USP48: variants seen among roughly 807,000 people sequenced by gnomAD.
The protein encoded by USP48 is ubiquitin carboxyl-terminal hydrolase 48.
USP48 carries 43 observed loss-of-function variants against 150.7 expected under a neutral mutation model. That is an observed-to-expected ratio of 0.29 (90% CI 0.22 to 0.37). USP48 has a LOEUF of 0.37. USP48 is among the 10% of genes least tolerant of loss of function. The probability of loss-of-function intolerance (pLI) is 1.00; values close to 1 mark genes in which losing one functional copy is unlikely to be tolerated. For missense variants in USP48, 813 were observed against 1,249.6 expected, an observed-to-expected ratio of 0.65 and a Z score of 5.27; for synonymous variants, 396 against 425.9, an observed-to-expected ratio of 0.93 and a Z score of 0.86.
chr1:21,749,014 T>C (rs924690707), intron 6 of USP48, among the ~76,000 whole-genome samples: 1 of 152,172 alleles, frequency 6.6e-6, no homozygotes, highest in Non-Finnish European at 1.5e-5. Context: ...TACTGAAACA[T>C]ATTCATGAGA....
At chr1:21,717,439 T>TAA (rs142138832) in intron 14 of USP48, among the ~76,000 whole-genome samples, 2 of 104,500 alleles carry the variant, frequency 1.9e-5, no homozygotes, top group Non-Finnish European at 4.2e-5. Context: ...ACAAAACAAA[T>TAA]AAAAAAAAAC....
intron 1 of USP48, among the ~76,000 whole-genome samples, chr1:21,762,205 T>G (rs2097851595): frequency 6.6e-6 from 1 of 152,024 alleles, no homozygotes; most frequent in African/African-American, 2.4e-5. Context: ...AGGCAGGGTT[T>G]GCAGTGAGCT....
intron 8 of USP48, among the ~76,000 whole-genome samples, chr1:21,744,800 A>AG (rs1371429997): frequency 1.3e-5 from 2 of 151,566 alleles, no homozygotes; most frequent in Admixed American, 6.6e-5. Flanking sequence ...AAAAAAAAAA[A>AG]AATGCTAAGC....
chr1:21,732,633 AT>A, intron 9 of USP48: 1 of 317,222 alleles, frequency 3.2e-6, no homozygotes, highest in South Asian at 2.6e-5. Flanking sequence ...CTTTTTAACT[AT>A]TTAGAGCTTT....
intron 22 of USP48, among the ~76,000 whole-genome samples, chr1:21,700,386 T>C (rs1354270178): frequency 2.6e-5 from 4 of 152,086 alleles, no homozygotes; most frequent in Non-Finnish European, 4.4e-5. Context: ...TTTACACCGG[T>C]TGGGAAACCA....
chr1:21,733,210 G>A (rs77837746), intron 9 of USP48, among the ~76,000 whole-genome samples: 1 of 152,138 alleles, frequency 6.6e-6, no homozygotes, highest in Non-Finnish European at 1.5e-5. Context: ...GAGGTCAGGA[G>A]TTTGAAACCA....
chr1:21,688,109 G>A (rs949849377), intron 24 of USP48, among the ~76,000 whole-genome samples: 2 of 152,118 alleles, frequency 1.3e-5, no homozygotes, highest in African/African-American at 4.8e-5. Flanking sequence ...GGTGGTATTC[G>A]GCACAGTAGG....
intron 9 of USP48, among the ~76,000 whole-genome samples, chr1:21,730,251 G>C (rs2097753448): frequency 6.6e-6 from 1 of 151,984 alleles, no homozygotes; most frequent in South Asian, 2.1e-4. Context: ...GACCAGCCTG[G>C]CCAAAACATG....
intron 11 of USP48, among the ~76,000 whole-genome samples, chr1:21,725,544 G>C (rs1476395078): frequency 6.6e-6 from 1 of 152,194 alleles, no homozygotes; most frequent in East Asian, 1.9e-4. Flanking sequence ...CTGAGGTCCA[G>C]AGTTTGAGAC....
intron 8 of USP48, among the ~76,000 whole-genome samples, chr1:21,743,885 G>C (rs540856): frequency 6.6e-6 from 1 of 152,058 alleles, no homozygotes. Flanking sequence ...AACTATAGAA[G>C]GACAAGGCAA....
At chr1:21,724,205 A>C in intron 11 of USP48, 110 bp from the exon 12 acceptor site, 2 of 1,061,928 alleles carry the variant, frequency 1.9e-6, no homozygotes, top group Non-Finnish European at 2.8e-6. Context: ...AGTTAGCAGA[A>C]TCAGAAGAAT....
At chr1:21,729,660 A>T in intron 10 of USP48, 44 bp downstream of exon 10, 1 of 1,598,968 alleles carries the variant, frequency 6.3e-7, no homozygotes, top group African/African-American at 1.3e-5. Context: ...TGAGTATGGC[A>T]TTCTAAAACA....
intron 23 of USP48, among the ~76,000 whole-genome samples, chr1:21,690,423 T>A (rs1002915926): frequency 6.6e-6 from 1 of 152,212 alleles, no homozygotes; most frequent in Non-Finnish European, 1.5e-5. Context: ...TGATGGCTAT[T>A]CTGAGGCTTG....
Position 21,687,697 on chromosome 1 carries a change from T to C in USP48, c.3010-458A>G, listed in dbSNP as rs2097583501. 2.0e-5 allele frequency among the ~76,000 whole-genome samples: 3 copies of C among 152,178 alleles called. No homozygotes were observed. In the South Asian group the frequency reaches 6.2e-4, roughly 32 times the overall value. The stretch of plus-strand genomic sequence containing the variant: ...CAAGAACAAGATACCCATTTCCTTT[T>C]TAGGAGGAAGCTTATGATGTCTGAG... On this transcript the variant is annotated intron_variant, in intron 24 of 26. Transcript: ENST00000308271.
At chr1:21,716,357 G>C (rs1327428231) in intron 14 of USP48, among the ~76,000 whole-genome samples, 1 of 152,168 alleles carries the variant, frequency 6.6e-6, no homozygotes, top group Non-Finnish European at 1.5e-5. Flanking sequence ...TAGGTGACCA[G>C]TCAGTAGCAT....
At chr1:21,737,615 C>A (rs1036520787) in intron 8 of USP48, among the ~76,000 whole-genome samples, 1 of 152,176 alleles carries the variant, frequency 6.6e-6, no homozygotes, top group Non-Finnish European at 1.5e-5. Flanking sequence ...GAAAAGATCA[C>A]TTCCACTATA....
chr1:21,758,273 G>C (rs1035858975), intron 1 of USP48, among the ~76,000 whole-genome samples: 8 of 150,376 alleles, frequency 5.3e-5, no homozygotes, highest in Admixed American at 2.0e-4. Flanking sequence ...TATAAATCCA[G>C]GACACATTAT....
intron 21 of USP48, among the ~76,000 whole-genome samples, chr1:21,702,495 TG>T (rs1361156345): frequency 6.6e-6 from 1 of 151,822 alleles, no homozygotes; most frequent in Non-Finnish European, 1.5e-5. Context: ...TGCAGGTCAA[TG>T]GAAGAGGCTC....
intron 1 of USP48, among the ~76,000 whole-genome samples, chr1:21,771,029 G>A (rs994716072): frequency 6.6e-6 from 1 of 152,024 alleles, no homozygotes; most frequent in Non-Finnish European, 1.5e-5. Context: ...AGATGGCTGA[G>A]GCACAAGAAT....
Sources: allele counts gnomAD v4.1 joint callset (sites outside exome capture counted in the v4.1 genomes callset), GRCh38; gene constraint gnomAD v4.1.1; transcripts MANE v1.5; gene names NCBI Gene and HGNC (gene_info 2026-07-23, HGNC 2026-07-21).